PDCD10: variants seen among roughly 807,000 people sequenced by gnomAD.
PDCD10 encodes the protein programmed cell death 10.
In PDCD10, 4 loss-of-function variants were observed where a neutral mutation model predicts 29.2. The ratio of observed to expected loss-of-function variants is 0.14; its 90% CI spans 0.07 to 0.31. The LOEUF (loss-of-function observed/expected upper bound fraction) is 0.31, where lower values mean the gene tolerates loss of function less well. PDCD10 is among the 10% of genes least tolerant of loss of function. The pLI, the probability that PDCD10 is intolerant of heterozygous loss-of-function variation, is 1.00. For synonymous variants in PDCD10, 70 were observed against 82.2 expected, an observed-to-expected ratio of 0.85 and a Z score of 0.80; for missense variants, 183 against 257.9, an observed-to-expected ratio of 0.71 and a Z score of 1.99.
chr3:167,720,355 C>G (rs1233504070), intron 2 of PDCD10, 82 bp from the exon 3 acceptor site: 1 of 557,276 alleles, frequency 1.8e-6, no homozygotes, highest in Non-Finnish European at 3.2e-6. Flanking sequence ...TTCCAAATTA[C>G]AGAGTTCCTA....
chr3:167,718,510 T>C (rs1229698721), intron 3 of PDCD10, among the ~76,000 whole-genome samples: 1 of 152,044 alleles, frequency 6.6e-6, no homozygotes, highest in Non-Finnish European at 1.5e-5. Flanking sequence ...CAGGAGGTTT[T>C]TCAAAAGATG....
At chr3:167,698,818 G>A (rs1294278393) in intron 4 of PDCD10, among the ~76,000 whole-genome samples, 2 of 152,088 alleles carry the variant, frequency 1.3e-5, no homozygotes, top group African/African-American at 4.8e-5. Context: ...GTACTGAAAG[G>A]TTAAAATGCT....
At position 167,684,459 on chromosome 3, in the gene PDCD10, A is replaced by G. The variant is rs568065132; in HGVS notation, c.558-70T>C. On this transcript the variant is annotated intron_variant, in intron 8 of 8. Transcript: ENST00000392750. The stretch of plus-strand genomic sequence containing the variant: ...TCACCCTTTTAAGATTTATACTATT[A>G]ACAGTAGCAATGGAATCAATTTTAG... The G allele has an allele frequency of 9.3e-5, 78 of 840,106 alleles. No homozygotes were observed. In the African/African-American group the frequency reaches 1.2e-3, roughly 13 times the overall value. The allele number at this position is 840,106 out of a possible 1,614,324, so 52.0% of individuals were successfully genotyped here.
At chr3:167,718,498 A>C (rs147263852) in intron 3 of PDCD10, among the ~76,000 whole-genome samples, 2 of 152,226 alleles carry the variant, frequency 1.3e-5, no homozygotes, top group African/African-American at 4.8e-5. Flanking sequence ...GTGGCAGTTT[A>C]ACAGGAGGTT....
In PDCD10 at chr3:167,733,681, T is replaced by G. The variant is rs553234753; in HGVS notation, c.-117+533A>C. Among the ~76,000 whole-genome samples, 329 of 152,318 alleles carry G rather than the reference T, an allele frequency of 2.2e-3. 2 individuals carry two copies. The highest frequency in any genetic ancestry group is 7.4e-3 in the African/African-American group (307 of 41,582). ...GCTACATTATTTGAAAAAAGTGTAG[T>G]TTTGTGAAAGAATTCCAATCCCACT... On this transcript the variant is annotated intron_variant, in intron 2 of 8. Transcript: ENST00000392750.
chr3:167,719,623 T>C (rs1723369137), intron 3 of PDCD10, among the ~76,000 whole-genome samples: 1 of 152,136 alleles, frequency 6.6e-6, no homozygotes. Flanking sequence ...GTGCCTGCTA[T>C]TCTGGCTACC....
chr3:167,695,450 A>G (rs1029476676), intron 6 of PDCD10, 146 bp downstream of exon 6: 2 of 724,528 alleles, frequency 2.8e-6, no homozygotes, highest in Non-Finnish European at 2.4e-6. Flanking sequence ...AACGCCATAA[A>G]GTTAATAAAA....
At chr3:167,694,975 T>C (rs1720650992) in intron 6 of PDCD10, among the ~76,000 whole-genome samples, 1 of 152,196 alleles carries the variant, frequency 6.6e-6, no homozygotes, top group African/African-American at 2.4e-5. Flanking sequence ...TCAGACTTTC[T>C]AGTTTAAAGA....
chr3:167,707,292 A>T (rs1722070458), intron 3 of PDCD10, among the ~76,000 whole-genome samples: 1 of 152,146 alleles, frequency 6.6e-6, no homozygotes, highest in South Asian at 2.1e-4. Context: ...TAAATTTAGG[A>T]AAGAAAATTT....
At chr3:167,713,396 A>T (rs576997630) in intron 3 of PDCD10, among the ~76,000 whole-genome samples, 1 of 152,118 alleles carries the variant, frequency 6.6e-6, no homozygotes, top group Non-Finnish European at 1.5e-5. Flanking sequence ...AGTAACAGAA[A>T]CACAACATAC....
intron 6 of PDCD10, among the ~76,000 whole-genome samples, chr3:167,689,590 C>CA (rs11393262): frequency 0.6 from 90,653 of 151,564 alleles, 27,510 homozygotes; most frequent in African/African-American, 0.68. Context: ...GACAAAAACA[C>CA]AGGGGAGAAG....
chr3:167,707,185 A>G (rs1722060051), intron 3 of PDCD10, among the ~76,000 whole-genome samples: 1 of 152,222 alleles, frequency 6.6e-6, no homozygotes, highest in Non-Finnish European at 1.5e-5. Flanking sequence ...GATCTTTAAA[A>G]AGTGTGTTCC....
intron 8 of PDCD10, among the ~76,000 whole-genome samples, chr3:167,684,603 T>A (rs964483015): frequency 6.6e-6 from 1 of 152,120 alleles, no homozygotes; most frequent in Non-Finnish European, 1.5e-5. Flanking sequence ...TGACTGGTAA[T>A]AAAATGTTGG....
At chr3:167,709,976 C>G (rs1722368850) in intron 3 of PDCD10, among the ~76,000 whole-genome samples, 1 of 152,130 alleles carries the variant, frequency 6.6e-6, no homozygotes, top group South Asian at 2.1e-4. Context: ...TCTAGACACA[C>G]CCTGGGCCAA....
At chr3:167,690,519 T>C (rs1720110098) in intron 6 of PDCD10, among the ~76,000 whole-genome samples, 1 of 152,216 alleles carries the variant, frequency 6.6e-6, no homozygotes, top group Non-Finnish European at 1.5e-5. Flanking sequence ...TTTGGTCTGT[T>C]AAATCACGAG....
intron 8 of PDCD10, among the ~76,000 whole-genome samples, chr3:167,686,645 A>G (rs1164226747): frequency 6.6e-6 from 1 of 152,150 alleles, no homozygotes; most frequent in Non-Finnish European, 1.5e-5. Context: ...CTTAGGCTCC[A>G]TCCTAGACCT....
intron 3 of PDCD10, among the ~76,000 whole-genome samples, chr3:167,715,383 T>G (rs1722905317): frequency 6.6e-6 from 1 of 151,782 alleles, no homozygotes; most frequent in Non-Finnish European, 1.5e-5. Context: ...ATACCCCACA[T>G]GCACAGGCAA....
intron 2 of PDCD10, among the ~76,000 whole-genome samples, chr3:167,732,845 T>C (rs986207621): frequency 2.0e-5 from 3 of 152,236 alleles, no homozygotes; most frequent in Non-Finnish European, 2.9e-5. Flanking sequence ...CACTGACTCA[T>C]GTTCAGTTTA....
chr3:167,709,515 T>C (rs1722317188), intron 3 of PDCD10, among the ~76,000 whole-genome samples: 2 of 152,094 alleles, frequency 1.3e-5, no homozygotes, highest in Non-Finnish European at 2.9e-5. Flanking sequence ...TGGGTTCAGC[T>C]AGCAGCCACC....
Sources: allele counts gnomAD v4.1 joint callset (sites outside exome capture counted in the v4.1 genomes callset), GRCh38; gene constraint gnomAD v4.1.1; transcripts MANE v1.5; gene names NCBI Gene and HGNC (gene_info 2026-07-23, HGNC 2026-07-21).